The following MRE11 variants were observed in gnomAD, a reference collection of about 807,000 sequenced individuals.
MRE11 encodes the protein double-strand break repair protein MRE11.
A neutral mutation model predicts 91.7 loss-of-function variants in MRE11; 62 were observed. The observed-to-expected ratio is 0.68, with a 90% CI of 0.55 to 0.84. The LOEUF (loss-of-function observed/expected upper bound fraction) is 0.84, where lower values mean the gene tolerates loss of function less well. Among genes scored for constraint, MRE11 ranks in the 40% least tolerant of loss-of-function variants. The pLI, the probability that MRE11 is intolerant of heterozygous loss-of-function variation, is 0.00. For synonymous variants in MRE11, 273 were observed against 271.4 expected, an observed-to-expected ratio of 1.01 and a Z score of -0.06; for missense variants, 796 against 852.9, an observed-to-expected ratio of 0.93 and a Z score of 0.83.
upstream of MRE11, chr11:94,497,308 T>A (rs1224801651): frequency 5.1e-6 from 2 of 394,604 alleles, no homozygotes; most frequent in Admixed American, 4.2e-5. Context: ...TCCCTATAAG[T>A]AATATTCTTC....
intron 17 of MRE11, 62 bp downstream of exon 17, chr11:94,437,115 G>T: frequency 7.2e-7 from 1 of 1,388,028 alleles, no homozygotes; most frequent in South Asian, 1.3e-5. Context: ...TCAGAGAGTT[G>T]ACAATTCATA....
Position 94,417,615 on chromosome 11 carries a change from A to C in MRE11, c.*2510T>G, listed in dbSNP as rs1405106806. ...AAAGTAGGAGCTTTTAAATTACAGA[A>C]GTTAGGGCTTGTTACCCAGAAAGGA... is the stretch of plus-strand genomic sequence containing the variant. On this transcript the variant is annotated 3_prime_UTR_variant, in exon 20 of 20. Transcript: ENST00000323929. 4.3e-6 allele frequency: 1 copy of C among 233,016 alleles called. No homozygotes were observed. Among genetic ancestry groups the C allele is most frequent in the African/African-American group, 2.2e-5 (1 of 45,376 alleles). 14.4% of individuals were successfully genotyped at this position (233,016 alleles called of 1,614,324 possible).
chr11:94,475,728 A>G (rs1247067503), intron 7 of MRE11: 2 of 431,448 alleles, frequency 4.6e-6, no homozygotes, highest in Non-Finnish European at 9.2e-6. Context: ...AACATGTCTA[A>G]GAATGTTCAT....
chr11:94,468,933 T>C (rs546896539), intron 9 of MRE11, among the ~76,000 whole-genome samples: 21 of 152,324 alleles, frequency 1.4e-4, no homozygotes, highest in African/African-American at 4.6e-4. Context: ...CAAGCATTTA[T>C]AGAGCATCAT....
chr11:94,419,330 C>A lies in MRE11; in HGVS notation c.*795G>T, dbSNP rs934858470. The A allele has an allele frequency of 1.3e-5, 3 of 232,784 alleles. No homozygotes were observed. Among genetic ancestry groups the A allele is most frequent in the African/African-American group, 6.6e-5 (3 of 45,296 alleles). The allele number at this position is 232,784 out of a possible 1,614,324, so 14.4% of individuals were successfully genotyped here. On this transcript the variant is annotated 3_prime_UTR_variant, in exon 20 of 20. Coordinates refer to ENST00000323929, the MANE Select transcript of MRE11 (RefSeq NM_005591.4). ...GTTCAACTGACCACTCTACCTAAAACAAATTCTTCAATATTTTCAAGATGT... is the reference window on the plus strand; with the variant it reads ...GTTCAACTGACCACTCTACCTAAAAAAAATTCTTCAATATTTTCAAGATGT...
In MRE11 at chr11:94,445,685, C is replaced by A. The variant is rs1591652646; in HGVS notation, c.1867+125G>T. ...AAAGATCTTTTAAAAAATAATTTAT[C>A]CTGTGATCCTAATTGCCCTTATAAC... On this transcript the variant is annotated intron_variant, in intron 16 of 19. Transcript: ENST00000323929. 4 of 761,062 alleles carry A rather than the reference C, an allele frequency of 5.3e-6. No homozygotes were observed. In the East Asian group the frequency reaches 9.9e-5, roughly 19 times the overall value. The allele number at this position is 761,062 out of a possible 1,614,324, so 47.1% of individuals were successfully genotyped here.
rs1245445363 is a variant in MRE11, at chr11:94,416,323, A to C, written c.*3802T>G. Reference sequence around the variant, plus strand: ...GTTATTTGACACAGCAAAGACATACAAATGTACATGGCAACAGCAAGTTAT... The same window carrying C: ...GTTATTTGACACAGCAAAGACATACCAATGTACATGGCAACAGCAAGTTAT... On this transcript the variant is annotated 3_prime_UTR_variant, in exon 20 of 20. Coordinates refer to ENST00000323929, the MANE Select transcript of MRE11 (RefSeq NM_005591.4). 1 of 152,216 alleles carries C rather than the reference A, an allele frequency of 6.6e-6. No homozygotes were observed. Among genetic ancestry groups the C allele is most frequent in the Non-Finnish European group, 1.5e-5 (1 of 68,036 alleles). 9.4% of individuals were successfully genotyped at this position (152,216 alleles called of 1,614,324 possible).
At chr11:94,441,203 C>G (rs957798525) in intron 16 of MRE11, among the ~76,000 whole-genome samples, 10 of 152,158 alleles carry the variant, frequency 6.6e-5, no homozygotes, top group African/African-American at 2.4e-4. Context: ...ATTTCTTCCC[C>G]TAAGTTCGCT....
rs1332728294 is a variant in MRE11 at position 94,493,816 on chromosome 11, C to G, written c.-131G>C. The G allele has an allele frequency of 2.0e-5, 3 of 152,264 alleles. No individual in the cohort carries two copies. The highest frequency in any genetic ancestry group is 4.4e-5 in the Non-Finnish European group (3 of 68,066). The allele number at this position is 152,264 out of a possible 1,614,324, so 9.4% of individuals were successfully genotyped here. A position where few individuals can be genotyped will look rare whatever the true frequency, so the allele number is the denominator to read the frequency against. ...CTCTGAGAACCCGCAGGGCCGTAAA[C>G]CTGAATTCCGCGGGAGAGAACGGCG... is the stretch of plus-strand genomic sequence containing the variant. On this transcript the variant is annotated 5_prime_UTR_variant, in exon 1 of 20. Transcript: ENST00000323929.
chr11:94,456,197 C>T, intron 14 of MRE11, 79 bp downstream of exon 14: 1 of 1,357,956 alleles, frequency 7.4e-7, no homozygotes, highest in African/African-American at 1.4e-5. Context: ...TATGGACTGA[C>T]TATTCTAACT....
chr11:94,499,717 C>T, the MRE11 span: 107,004 of 151,900 alleles, frequency 0.7, 38,025 homozygotes, highest in African/African-American at 0.81. Flanking sequence ...ATCTAGCCCC[C>T]CTGTGATTGT....
At chr11:94,453,903 A>G (rs1946180967) in intron 14 of MRE11, among the ~76,000 whole-genome samples, 2 of 152,118 alleles carry the variant, frequency 1.3e-5, no homozygotes, top group Non-Finnish European at 2.9e-5. Context: ...AATAGTTTTT[A>G]TATTTTTAAA....
chr11:94,496,775 G>A (rs777177524), upstream of MRE11: 12 of 1,613,732 alleles, frequency 7.4e-6, no homozygotes, highest in African/African-American at 1.3e-5. Flanking sequence ...TAACCAACTT[G>A]AATTGTTGGA....
At chr11:94,466,120 A>G (rs1478924333) in intron 10 of MRE11, among the ~76,000 whole-genome samples, 1 of 152,192 alleles carries the variant, frequency 6.6e-6, no homozygotes, top group African/African-American at 2.4e-5. Flanking sequence ...CAGGATCAAC[A>G]TGGACAAAGG....
At chr11:94,458,371 G>C (rs993169369) in intron 13 of MRE11, among the ~76,000 whole-genome samples, 3 of 49,700 alleles carry the variant, frequency 6.0e-5, no homozygotes, top group Non-Finnish European at 1.1e-4. Flanking sequence ...ATTATACTAC[G>C]CAGTTTTTTA....
chr11:94,508,176 G>A, the MRE11 span, among the ~76,000 whole-genome samples: 1 of 151,994 alleles, frequency 6.6e-6, no homozygotes, highest in Non-Finnish European at 1.5e-5. Flanking sequence ...CAGACTCCTG[G>A]GCTCAAGCCA....
rs373002609 is a variant in MRE11, at chr11:94,419,465, G to GGGGAGAGAGA, written c.*659_*660insTCTCTCTCCC. The GGGGAGAGAGA allele has an allele frequency of 5.6e-3, 1,200 of 216,056 alleles. 5 individuals are homozygous for GGGGAGAGAGA. Among genetic ancestry groups the GGGGAGAGAGA allele is most frequent in the Middle Eastern group, 0.013 (9 of 718 alleles). 13.4% of individuals were successfully genotyped at this position (216,056 alleles called of 1,614,324 possible). On this transcript the variant is annotated 3_prime_UTR_variant, in exon 20 of 20. Coordinates refer to ENST00000323929, the MANE Select transcript of MRE11 (RefSeq NM_005591.4). The stretch of plus-strand genomic sequence containing the variant: ...GAAGAGTGGGGAACGGGGGGGAGAG[G>GGGGAGAGAGA]GAGAGAGAGAGAGAGAGAGAGAGAG...
At chr11:94,489,137 G>T (rs1947220054) in intron 3 of MRE11, among the ~76,000 whole-genome samples, 1 of 151,966 alleles carries the variant, frequency 6.6e-6, no homozygotes, top group Non-Finnish European at 1.5e-5. Context: ...TTCAGATAGT[G>T]CTATTAAAAA....
chr11:94,449,769 C>G (rs184937275), intron 14 of MRE11, among the ~76,000 whole-genome samples: 1 of 152,194 alleles, frequency 6.6e-6, no homozygotes, highest in African/African-American at 2.4e-5. Flanking sequence ...CAAACCTGTA[C>G]AACATGTTAC....
Sources: gnomAD v4.1 joint callset for allele counts (sites outside exome capture counted in the v4.1 genomes callset) on GRCh38, gnomAD v4.1.1 for gene constraint, MANE v1.5 for transcripts, NCBI Gene and HGNC (gene_info 2026-07-23, HGNC 2026-07-21) for gene names.